The following GRK2 variants were observed in gnomAD, a reference collection of about 807,000 sequenced individuals.
GRK2 encodes the protein G protein-coupled receptor kinase 2, also known as adrenergic beta receptor kinase 1.
A neutral mutation model predicts 97.8 loss-of-function variants in GRK2; 23 were observed. The ratio of observed to expected loss-of-function variants is 0.24; its 90% CI spans 0.17 to 0.33. GRK2 has a LOEUF of 0.33. GRK2 is among the 10% of genes least tolerant of loss of function. GRK2 has a pLI of 1.00. For synonymous variants in GRK2, 425 were observed against 381.7 expected, an observed-to-expected ratio of 1.11 and a Z score of -1.32; for missense variants, 633 against 956.9, an observed-to-expected ratio of 0.66 and a Z score of 4.47.
At chr11:67,279,122 C>A in intron 2 of GRK2, 78 bp from the exon 3 acceptor site, 1 of 1,303,632 alleles carries the variant, frequency 7.7e-7, no homozygotes, top group Non-Finnish European at 1.1e-6. Context: ...GCCCAGGGAG[C>A]CCAACCCACA....
rs61763965 is a variant in GRK2 at position 67,281,964 on chromosome 11, T to A, written c.957+12T>A. 41 of 1,613,002 alleles carry A rather than the reference T, an allele frequency of 2.5e-5. No homozygotes were observed. Among genetic ancestry groups the A allele is most frequent in the Non-Finnish European group, 3.5e-5 (41 of 1,179,940 alleles). On this transcript the variant is annotated intron_variant, in intron 11 of 20. Coordinates refer to ENST00000308595, the MANE Select transcript of GRK2 (RefSeq NM_001619.5). The surrounding 1 kb of genome is among the most constrained non-coding windows in gnomAD (Gnocchi z 5.7). ...ACCGGGACCTGAAGGTGAGCGCCCC[T>A]GCTGTCCCCAGGCTGGACCTCCGTG...
rs1422251557 is a variant in GRK2, at chr11:67,286,342, C to G, written c.*892C>G. ...GCCCAGGCTGGCCAGCCCCACAGCC[C>G]ACGTCCTGTCAGTGCCGCCGCCTCG... On this transcript the variant is annotated 3_prime_UTR_variant, in exon 21 of 21. Transcript: ENST00000308595. 1.4e-6 allele frequency: 1 copy of G among 694,128 alleles called. No homozygotes were observed. 43.0% of individuals were successfully genotyped at this position (694,128 alleles called of 1,614,324 possible). A position where few individuals can be genotyped will look rare whatever the true frequency, so the allele number is the denominator to read the frequency against.
intron 1 of GRK2, among the ~76,000 whole-genome samples, chr11:67,270,529 G>A (rs937257451): frequency 6.6e-6 from 1 of 152,168 alleles, no homozygotes; most frequent in Non-Finnish European, 1.5e-5. Context: ...TGGGGGAAGG[G>A]GTGCAGCGGG....
intron 15 of GRK2, 40 bp from the exon 16 acceptor site, chr11:67,283,667 A>G (rs760556876): frequency 1.2e-6 from 2 of 1,604,704 alleles, no homozygotes; most frequent in South Asian, 1.1e-5. Flanking sequence ...CCCGGGACTC[A>G]GGGTGGGGCT....
chr11:67,277,448 C>G, intron 2 of GRK2, 100 bp downstream of exon 2: 1 of 1,111,746 alleles, frequency 9.0e-7, no homozygotes, highest in African/African-American at 1.5e-5. Flanking sequence ...TTTGGCCTCC[C>G]ATCCACTCAG....
intron 1 of GRK2, 122 bp from the exon 2 acceptor site, chr11:67,277,150 G>A (rs1860048086): frequency 9.3e-6 from 8 of 864,780 alleles, no homozygotes; most frequent in Middle Eastern, 3.4e-4. Flanking sequence ...TAGGCCTGAC[G>A]GGCTGGCCTC....
In GRK2 at chr11:67,282,848, G is replaced by T; in HGVS notation, c.1227+30G>T. On this transcript the variant is annotated intron_variant, in intron 14 of 20. Coordinates refer to ENST00000308595, the MANE Select transcript of GRK2 (RefSeq NM_001619.5). This position sits in a 1 kb window ranked among gnomAD's most constrained non-coding sequence, Gnocchi z 6.9. ...GTGCAGGTCTCAGTGCAGGGCCGCAGGGGGCTGGGGGGAGCTCCTGTGGGT... is the reference window on the plus strand; with the variant it reads ...GTGCAGGTCTCAGTGCAGGGCCGCATGGGGCTGGGGGGAGCTCCTGTGGGT... The T allele has an allele frequency of 1.9e-6, 3 of 1,589,630 alleles. No individual in the cohort carries two copies. The South Asian group carries it at 3.4e-5, about 18-fold the overall frequency.
At chr11:67,272,997 G>A (rs923624521) in intron 1 of GRK2, among the ~76,000 whole-genome samples, 3 of 152,236 alleles carry the variant, frequency 2.0e-5, no homozygotes, top group African/African-American at 7.2e-5. Flanking sequence ...GGGCTCTGGC[G>A]GCTCTCTCCC....
intron 14 of GRK2, 27 bp from the exon 15 acceptor site, chr11:67,283,101 C>T: frequency 6.2e-7 from 1 of 1,608,698 alleles, no homozygotes; most frequent in Non-Finnish European, 8.5e-7. Context: ...TCCTAAGCCC[C>T]TGCTAATGTC....
intron 1 of GRK2, among the ~76,000 whole-genome samples, chr11:67,270,233 C>T (rs907029406): frequency 3.3e-5 from 5 of 152,160 alleles, no homozygotes; most frequent in African/African-American, 7.2e-5. Flanking sequence ...ACTGAGGCCT[C>T]GTGTAATTAA....
In GRK2 at chr11:67,284,855, C is replaced by G. The variant is rs1860236798; in HGVS notation, c.1663C>G (p.Leu555Val). 6.2e-7 allele frequency: 1 copy of G among 1,612,810 alleles called. No homozygotes were observed. Among genetic ancestry groups the G allele is most frequent in the Non-Finnish European group, 8.5e-7 (1 of 1,179,924 alleles). Residue 555 changes from leucine (L) to valine (V), a missense_variant, in exon 19 of 21, where the codon CTG becomes GTG. Physicochemically the swap from Leu to Val is conservative, Grantham distance 32. This residue lies in a region of GRK2 where 180 missense variants were observed against 311.3 expected (regional missense o/e 0.58). Transcript: ENST00000308595. ...TCTGTCTCTCGCCTCAGACTACGCC[C>G]TGGGCAAGGACTGCATCATGCATGG... ...KQLGHEEDYALGKDCIMHGYM... is the reference protein window; with the variant it reads ...KQLGHEEDYAVGKDCIMHGYM...
chr11:67,286,352 C>T lies in GRK2; in HGVS notation c.*902C>T, dbSNP rs1287624425. 1 of 696,358 alleles carries T rather than the reference C, an allele frequency of 1.4e-6. No homozygotes were observed. 43.1% of individuals were successfully genotyped at this position (696,358 alleles called of 1,614,324 possible). A position where few individuals can be genotyped will look rare whatever the true frequency, so the allele number is the denominator to read the frequency against. On this transcript the variant is annotated 3_prime_UTR_variant, in exon 21 of 21. Coordinates refer to ENST00000308595, the MANE Select transcript of GRK2 (RefSeq NM_001619.5). ...GCCAGCCCCACAGCCCACGTCCTGT[C>T]AGTGCCGCCGCCTCGCCCACCGCAT...
intron 3 of GRK2, 63 bp from the exon 4 acceptor site, chr11:67,279,355 C>T: frequency 6.2e-7 from 1 of 1,605,424 alleles, no homozygotes; most frequent in Middle Eastern, 1.7e-4. Flanking sequence ...CACAAGCTGC[C>T]TGGTGTGGGC....
chr11:67,281,922 C>T lies in GRK2; in HGVS notation c.927C>T (p.His309=), dbSNP rs747059982. ...TCATCCTGGGCCTGGAGCACATGCACAACCGCTTCGTGGTCTACCGGGACC... is the reference window on the plus strand; with the variant it reads ...TCATCCTGGGCCTGGAGCACATGCATAACCGCTTCGTGGTCTACCGGGACC... ...AEIILGLEHM[H]NRFVVYRDLK... Residue 309 remains histidine (H), a synonymous_variant, in exon 11 of 21, where the codon CAC becomes CAT. Coordinates refer to ENST00000308595, the MANE Select transcript of GRK2 (RefSeq NM_001619.5). This position sits in a 1 kb window ranked among gnomAD's most constrained non-coding sequence, Gnocchi z 5.7. The T allele has an allele frequency of 3.7e-6, 6 of 1,613,460 alleles. No individual in the cohort carries two copies. Among genetic ancestry groups the T allele is most frequent in the South Asian group, 2.2e-5 (2 of 91,084 alleles).
intron 1 of GRK2, among the ~76,000 whole-genome samples, chr11:67,270,117 C>T (rs1166001543): frequency 6.6e-6 from 1 of 152,218 alleles, no homozygotes; most frequent in African/African-American, 2.4e-5. Context: ...GCGGCTGCCC[C>T]TTCACTCTCA....
At position 67,279,454 on chromosome 11, in the gene GRK2, C is replaced by T. The variant is rs564473820; in HGVS notation, c.301C>T (p.Arg101Cys). The change falls in exon 4 of 21, where the codon CGT (arginine) becomes TGT (cysteine). Residue 101 changes from arginine to cysteine, a missense_variant. This residue lies in a region of GRK2 where 193 missense variants were observed against 212.2 expected (regional missense o/e 0.91). Transcript: ENST00000308595. The part of the protein sequence containing the change: ...KYEKLETEEE[R>C]VARSREIFDS... ...CGAGAAGCTGGAGACGGAGGAGGAG[C>T]GTGTGGCCCGCAGCCGGGAGATCTT... The T allele has an allele frequency of 1.9e-6, 3 of 1,613,258 alleles. No homozygotes were observed. Among genetic ancestry groups the T allele is most frequent in the African/African-American group, 1.3e-5 (1 of 75,060 alleles).
intron 15 of GRK2, 69 bp from the exon 16 acceptor site, chr11:67,283,638 G>T: frequency 6.7e-7 from 1 of 1,500,642 alleles, no homozygotes; most frequent in South Asian, 1.1e-5. Context: ...GCCAGAAAGT[G>T]GCTCAATCAG....
intron 1 of GRK2, among the ~76,000 whole-genome samples, chr11:67,275,029 A>G (rs1264360653): frequency 6.6e-6 from 1 of 152,130 alleles, no homozygotes; most frequent in East Asian, 1.9e-4. Context: ...CCTTGTCTTC[A>G]GTGCCCTGCT....
At position 67,286,383 on chromosome 11, in the gene GRK2, C is replaced by G; in HGVS notation, c.*933C>G. 1 of 700,258 alleles carries G rather than the reference C, an allele frequency of 1.4e-6. No individual in the cohort carries two copies. Among genetic ancestry groups the G allele is most frequent in the African/African-American group, 1.7e-5 (1 of 57,200 alleles). The allele number at this position is 700,258 out of a possible 1,614,324, so 43.4% of individuals were successfully genotyped here. ...CGCCGCCTCGCCCACCGCATGCCCC[C>G]TCGTGCCAGTCGCGCTGCCTGTGTG... On this transcript the variant is annotated 3_prime_UTR_variant, in exon 21 of 21. Transcript: ENST00000308595.
Sources: gnomAD v4.1 joint callset for allele counts (sites outside exome capture counted in the v4.1 genomes callset) on GRCh38, gnomAD v4.1.1 for gene constraint, gnomAD v4.1.1 regional missense constraint, Gnocchi (gnomAD v3.1) non-coding constraint, MANE v1.5 for transcripts, NCBI Gene and HGNC (gene_info 2026-07-23, HGNC 2026-07-21) for gene names.